The following PPFIA2 variants were observed in gnomAD, a reference collection of about 807,000 sequenced individuals.
The protein encoded by PPFIA2 is PPFI scaffold protein A2.
PPFIA2 carries 46 observed loss-of-function variants against 175.5 expected under a neutral mutation model. That is an observed-to-expected ratio of 0.26 (90% CI 0.21 to 0.34). The LOEUF (loss-of-function observed/expected upper bound fraction) is 0.34, where lower values mean the gene tolerates loss of function less well. Among genes scored for constraint, PPFIA2 ranks in the 10% least tolerant of loss-of-function variants. The probability of loss-of-function intolerance (pLI) is 1.00; values close to 1 mark genes in which losing one functional copy is unlikely to be tolerated. For synonymous variants in PPFIA2, 568 were observed against 511.4 expected, an observed-to-expected ratio of 1.11 and a Z score of -1.49; for missense variants, 1,179 against 1,506.1, an observed-to-expected ratio of 0.78 and a Z score of 3.60.
At chr12:81,266,538 G>A (rs1224589547) in intron 30 of PPFIA2, among the ~76,000 whole-genome samples, 1 of 152,034 alleles carries the variant, frequency 6.6e-6, no homozygotes, top group Non-Finnish European at 1.5e-5. Context: ...ATTGAAGCAA[G>A]TTTTATCCTC....
chr12:81,470,406 C>T (rs186221966), intron 4 of PPFIA2, among the ~76,000 whole-genome samples: 8 of 152,222 alleles, frequency 5.3e-5, no homozygotes, highest in African/African-American at 9.6e-5. Flanking sequence ...CCTAGAATGG[C>T]TATAATCAAA....
intron 3 of PPFIA2, among the ~76,000 whole-genome samples, chr12:81,708,318 T>C (rs2077474718): frequency 6.6e-6 from 1 of 152,006 alleles, no homozygotes; most frequent in African/African-American, 2.4e-5. Flanking sequence ...AAAACCAAAT[T>C]GAAAATGGCT....
chr12:81,371,060 T>A (rs1283303108), intron 11 of PPFIA2, among the ~76,000 whole-genome samples: 1 of 151,894 alleles, frequency 6.6e-6, no homozygotes, highest in Non-Finnish European at 1.5e-5. Flanking sequence ...CATTTAACAT[T>A]TCAATTCTGG....
intron 4 of PPFIA2, among the ~76,000 whole-genome samples, chr12:81,487,899 T>C (rs2059001418): frequency 6.6e-6 from 1 of 151,818 alleles, no homozygotes; most frequent in Non-Finnish European, 1.5e-5. Flanking sequence ...CTGAAATGTG[T>C]GTGAGGACAA....
At chr12:81,472,945 A>T (rs1038038282) in intron 4 of PPFIA2, 2 of 152,238 alleles carry the variant, frequency 1.3e-5, no homozygotes, top group African/African-American at 4.8e-5. Flanking sequence ...AAGAAAAAAT[A>T]TATAAAATTA....
At chr12:81,333,019 A>G (rs2056438328) in intron 21 of PPFIA2, among the ~76,000 whole-genome samples, 1 of 152,216 alleles carries the variant, frequency 6.6e-6, no homozygotes, top group Non-Finnish European at 1.5e-5. Flanking sequence ...TAAATGTTAG[A>G]GATTCATAGA....
intron 4 of PPFIA2, among the ~76,000 whole-genome samples, chr12:81,581,410 A>T (rs1333568912): frequency 6.6e-6 from 1 of 151,724 alleles, no homozygotes; most frequent in Non-Finnish European, 1.5e-5. Flanking sequence ...CCTTCAGTGC[A>T]TTCTAGTACA....
At chr12:81,407,950 CA>C (rs2043225816) in intron 7 of PPFIA2, among the ~76,000 whole-genome samples, 1 of 152,100 alleles carries the variant, frequency 6.6e-6, no homozygotes, top group Admixed American at 6.6e-5. Context: ...AAATAATTTT[CA>C]AAAGAATGCT....
chr12:81,610,228 G>A (rs1233817557), intron 4 of PPFIA2, among the ~76,000 whole-genome samples: 1 of 152,002 alleles, frequency 6.6e-6, no homozygotes, highest in African/African-American at 2.4e-5. Context: ...ACATGCCTTG[G>A]GGACGATCAA....
At chr12:81,651,349 G>C (rs974272435) in intron 4 of PPFIA2, among the ~76,000 whole-genome samples, 1 of 152,128 alleles carries the variant, frequency 6.6e-6, no homozygotes, top group Non-Finnish European at 1.5e-5. Flanking sequence ...AATCTATTAA[G>C]ATGTAAAACA....
chr12:81,742,292 G>C (rs2082416906), intron 3 of PPFIA2, among the ~76,000 whole-genome samples: 1 of 152,188 alleles, frequency 6.6e-6, no homozygotes, highest in Admixed American at 6.5e-5. Context: ...TTATGGCTCT[G>C]AATTATATCG....
intron 22 of PPFIA2, among the ~76,000 whole-genome samples, chr12:81,299,742 C>T (rs2047352303): frequency 6.6e-6 from 1 of 152,134 alleles, no homozygotes; most frequent in South Asian, 2.1e-4. Context: ...CTAAATGTGG[C>T]TTCCACCATC....
chr12:81,585,050 T>TTAATTATATTTATATATAA (rs2075104891), intron 4 of PPFIA2, among the ~76,000 whole-genome samples: 1 of 118,422 alleles, frequency 8.4e-6, no homozygotes, highest in Non-Finnish European at 1.7e-5. Flanking sequence ...ATATAATATA[T>TTAATTATATTTATATATAA]TATATAATTA....
chr12:81,598,962 GAATT>G (rs1396271104), intron 4 of PPFIA2, among the ~76,000 whole-genome samples: 34 of 151,732 alleles, frequency 2.2e-4, no homozygotes, highest in South Asian at 1.7e-3. Flanking sequence ...ATACACACAA[GAATT>G]AATAAAAATA....
chr12:81,609,319 C>T (rs1050430898), intron 4 of PPFIA2, among the ~76,000 whole-genome samples: 5 of 152,114 alleles, frequency 3.3e-5, no homozygotes, highest in East Asian at 1.9e-4. Context: ...GAGTTTAAGT[C>T]CACAGTTTCT....
rs562648211 is a variant in PPFIA2 at position 81,733,328 on chromosome 12, G to A, written c.249+20645C>T. 9.2e-4 allele frequency among the ~76,000 whole-genome samples: 140 copies of A among 151,580 alleles called. 1 individual carries two copies. The highest frequency in any genetic ancestry group is 3.4e-3 in the Middle Eastern group (1 of 294). ...TCTTAAATGCTTTAAGGAAGATTGC[G>A]TTTTAAAAGTACAATGGATGTAAAT... On this transcript the variant is annotated intron_variant, in intron 3 of 32. Coordinates refer to ENST00000549396, the MANE Select transcript of PPFIA2 (RefSeq NM_003625.5).
In PPFIA2 at chr12:81,666,842, G is replaced by A. The variant is rs572099810; in HGVS notation, c.303+9949C>T. Among the ~76,000 whole-genome samples the A allele has an allele frequency of 2.6e-5, 4 of 152,172 alleles. No individual in the cohort carries two copies. In the South Asian group the frequency reaches 8.3e-4, roughly 32 times the overall value. On this transcript the variant is annotated intron_variant, in intron 4 of 32. Coordinates refer to ENST00000549396, the MANE Select transcript of PPFIA2 (RefSeq NM_003625.5). ...CAAGGTTACAAACAGCTATCAAGAG[G>A]TTGAGTCAAAAATCAAATTGAGGCT... is the stretch of plus-strand genomic sequence containing the variant.
At chr12:81,536,238 G>A (rs575921981) in intron 4 of PPFIA2, among the ~76,000 whole-genome samples, 12 of 151,650 alleles carry the variant, frequency 7.9e-5, no homozygotes, top group Non-Finnish European at 1.8e-4. Flanking sequence ...CAAGATAAAT[G>A]TATCATCTGT....
At chr12:81,437,519 C>A (rs988383569) in intron 7 of PPFIA2, among the ~76,000 whole-genome samples, 1 of 152,160 alleles carries the variant, frequency 6.6e-6, no homozygotes, top group African/African-American at 2.4e-5. Context: ...AGGTGTGAAC[C>A]ACCACACCTG....
Sources: gnomAD v4.1 joint callset for allele counts (sites outside exome capture counted in the v4.1 genomes callset) on GRCh38, gnomAD v4.1.1 for gene constraint, MANE v1.5 for transcripts, NCBI Gene and HGNC (gene_info 2026-07-23, HGNC 2026-07-21) for gene names.